NPEPPS: variants seen among roughly 807,000 people sequenced by gnomAD.
The protein encoded by NPEPPS is puromycin-sensitive aminopeptidase.
A neutral mutation model predicts 115.5 loss-of-function variants in NPEPPS; 14 were observed. The ratio of observed to expected loss-of-function variants is 0.12; its 90% CI spans 0.08 to 0.19. The LOEUF (loss-of-function observed/expected upper bound fraction) is 0.19. NPEPPS is among the 10% of genes least tolerant of loss of function. The pLI, the probability that NPEPPS is intolerant of heterozygous loss-of-function variation, is 1.00. For missense variants in NPEPPS, 523 were observed against 1,110.8 expected, an observed-to-expected ratio of 0.47 and a Z score of 7.52; for synonymous variants, 285 against 390.6, an observed-to-expected ratio of 0.73 and a Z score of 3.19.
chr17:47,584,386 T>C (rs1375340128), intron 5 of NPEPPS, among the ~76,000 whole-genome samples: 1 of 152,180 alleles, frequency 6.6e-6, no homozygotes, highest in Non-Finnish European at 1.5e-5. Context: ...TTGATCTCAT[T>C]CATGAACAGG....
upstream of NPEPPS, among the ~76,000 whole-genome samples, chr17:47,530,540 T>C (rs947837911): frequency 4.0e-5 from 6 of 151,160 alleles, no homozygotes; most frequent in African/African-American, 1.5e-4. Context: ...GTACTTTTAG[T>C]AGAGACGGGG....
At position 47,544,501 on chromosome 17, in the gene NPEPPS, C is replaced by T. The variant is rs1597819741; in HGVS notation, c.256-1408C>T. ...TAATTAAGATTTTTATGAAATTAAACGTATTTATTTATTTATTTATTTATT... is the reference window on the plus strand; with the variant it reads ...TAATTAAGATTTTTATGAAATTAAATGTATTTATTTATTTATTTATTTATT... On this transcript the variant is annotated intron_variant, in intron 1 of 22. Coordinates refer to ENST00000322157, the MANE Select transcript of NPEPPS (RefSeq NM_006310.4). 5.1e-5 allele frequency among the ~76,000 whole-genome samples: 7 copies of T among 137,302 alleles called. No homozygotes were observed. In the South Asian group the frequency reaches 1.7e-3, roughly 32 times the overall value. 90.1% of individuals were successfully genotyped at this position (137,302 alleles called of 152,430 possible).
chr17:47,622,038 G>A lies in NPEPPS; in HGVS notation c.*118G>A. On this transcript the variant is annotated 3_prime_UTR_variant, in exon 23 of 23. Coordinates refer to ENST00000322157, the MANE Select transcript of NPEPPS (RefSeq NM_006310.4). ...GTCTTCTTTCAAACCAGTGGGGGTT[G>A]GACAATGAATGTAGTTAACTGGTTC... 1 of 1,346,740 alleles carries A rather than the reference G, an allele frequency of 7.4e-7. No individual in the cohort carries two copies. The highest frequency in any genetic ancestry group is 2.1e-5 in the South Asian group (1 of 47,758). 83.4% of individuals were successfully genotyped at this position (1,346,740 alleles called of 1,614,324 possible).
chr17:47,602,805 A>G (rs1437010239), intron 15 of NPEPPS, among the ~76,000 whole-genome samples: 1 of 151,720 alleles, frequency 6.6e-6, no homozygotes, highest in Non-Finnish European at 1.5e-5. Flanking sequence ...CATGCCTGGC[A>G]TTGTTTTACT....
At chr17:47,619,394 A>T (rs879639780) in intron 21 of NPEPPS, 5 of 535,632 alleles carry the variant, frequency 9.3e-6, no homozygotes, top group Admixed American at 9.2e-5. Flanking sequence ...TCCCTACTAA[A>T]AATACAAAAA....
At chr17:47,598,849 T>G (rs998105336) in intron 13 of NPEPPS, among the ~76,000 whole-genome samples, 1 of 152,098 alleles carries the variant, frequency 6.6e-6, no homozygotes, top group African/African-American at 2.4e-5. Flanking sequence ...CCATTTTGCA[T>G]TGTCATAAAA....
At chr17:47,566,397 T>C (rs1387302730) in intron 2 of NPEPPS, among the ~76,000 whole-genome samples, 1 of 152,042 alleles carries the variant, frequency 6.6e-6, no homozygotes, top group Non-Finnish European at 1.5e-5. Flanking sequence ...ACACTTTTTT[T>C]ATGTGCTTTT....
intron 19 of NPEPPS, 102 bp from the exon 20 acceptor site, chr17:47,618,248 T>C (rs770122388): frequency 2.8e-6 from 2 of 705,258 alleles, no homozygotes; most frequent in Non-Finnish European, 4.9e-6. Context: ...AGTGAGAATA[T>C]AGAACCTAAG....
intron 20 of NPEPPS, 133 bp downstream of exon 20, chr17:47,618,590 A>G: frequency 1.6e-6 from 1 of 631,862 alleles, no homozygotes; most frequent in Non-Finnish European, 2.8e-6. Context: ...AACTGGCTTG[A>G]GTTTTTGTTA....
At chr17:47,526,851 G>T (rs532943320), upstream of NPEPPS, among the ~76,000 whole-genome samples, 3 of 151,934 alleles carry the variant, frequency 2.0e-5, no homozygotes, top group Admixed American at 6.6e-5. Context: ...CCAGCTACTC[G>T]CGAGGCTGAG....
chr17:47,545,782 A>G, intron 1 of NPEPPS, 127 bp from the exon 2 acceptor site: 1 of 1,413,310 alleles, frequency 7.1e-7, no homozygotes, highest in South Asian at 1.3e-5. Context: ...CCTGGGCTCA[A>G]GCGATCCTCT....
At chr17:47,541,549 G>A (rs2143694862) in intron 1 of NPEPPS, among the ~76,000 whole-genome samples, 1 of 152,120 alleles carries the variant, frequency 6.6e-6, no homozygotes, top group South Asian at 2.1e-4. Flanking sequence ...GCTAATCTTT[G>A]TATTTTTAGT....
At chr17:47,539,290 G>T (rs2143687116) in intron 1 of NPEPPS, among the ~76,000 whole-genome samples, 1 of 152,212 alleles carries the variant, frequency 6.6e-6, no homozygotes, top group East Asian at 1.9e-4. Context: ...GAGTCAGTGG[G>T]AAATATCTGA....
chr17:47,570,286 G>A (rs1911115266), intron 3 of NPEPPS, among the ~76,000 whole-genome samples: 1 of 152,080 alleles, frequency 6.6e-6, no homozygotes, highest in Non-Finnish European at 1.5e-5. Flanking sequence ...ACCCAGTGTG[G>A]TGGCTCATCC....
chr17:47,542,832 T>C (rs960540843), intron 1 of NPEPPS, among the ~76,000 whole-genome samples: 94 of 152,232 alleles, frequency 6.2e-4, no homozygotes, highest in African/African-American at 2.2e-3. Context: ...AGCAAGGTTA[T>C]GACTAAATTG....
At chr17:47,571,581 G>A (rs958607207) in intron 3 of NPEPPS, among the ~76,000 whole-genome samples, 2 of 152,140 alleles carry the variant, frequency 1.3e-5, no homozygotes, top group African/African-American at 4.8e-5. Context: ...AGCTGGGAAT[G>A]GTGGCAGGTG....
Position 47,603,981 on chromosome 17 carries a change from C to T in NPEPPS, c.1807C>T (p.Pro603Ser), listed in dbSNP as rs2080244515. The change falls in exon 16 of 23, where the codon CCA becomes TCA. Residue 603 changes from proline (P) to serine (S), a missense_variant. Physicochemically the swap from Pro to Ser is moderately conservative, Grantham distance 74. Coordinates refer to ENST00000322157, the MANE Select transcript of NPEPPS (RefSeq NM_006310.4). ...YSSAMLESLL[P>S]GIRDLSLPPV... The stretch of plus-strand genomic sequence containing the variant: ...CTCTGCCATGCTGGAAAGTTTATTA[C>T]CAGGCATTCGTGACCTTTCTCTGCC... 1.4e-5 allele frequency: 22 copies of T among 1,613,554 alleles called. No individual in the cohort carries two copies. The highest frequency in any genetic ancestry group is 1.6e-4 in the Middle Eastern group (1 of 6,084).
chr17:47,548,259 A>G (rs1909379641), intron 2 of NPEPPS: 1 of 152,242 alleles, frequency 6.6e-6, no homozygotes, highest in Non-Finnish European at 1.5e-5. Flanking sequence ...TGTAAATTAG[A>G]TCAAACTGCT....
intron 16 of NPEPPS, among the ~76,000 whole-genome samples, chr17:47,604,556 G>C (rs769109012): frequency 2.0e-5 from 3 of 152,188 alleles, no homozygotes; most frequent in Non-Finnish European, 4.4e-5. Flanking sequence ...CTTCAGCGTA[G>C]GTTAGGTAAT....
Sources: gnomAD v4.1 joint callset for allele counts (sites outside exome capture counted in the v4.1 genomes callset) on GRCh38, gnomAD v4.1.1 for gene constraint, MANE v1.5 for transcripts, NCBI Gene and HGNC (gene_info 2026-07-23, HGNC 2026-07-21) for gene names.